The following FANCD2 variants were observed in gnomAD, a reference collection of about 807,000 sequenced individuals.
The protein encoded by FANCD2 is Fanconi anemia group D2 protein.
A neutral mutation model predicts 192.3 loss-of-function variants in FANCD2; 131 were observed. That is an observed-to-expected ratio of 0.68 (90% CI 0.59 to 0.79). The LOEUF (loss-of-function observed/expected upper bound fraction) is 0.79. Ranked by LOEUF, FANCD2 falls within the 30% of genes least tolerant of loss-of-function variation. The pLI is 0.00. For synonymous variants in FANCD2, 524 were observed against 612.5 expected (o/e 0.86, Z 2.13); for missense variants, 1,508 against 1,701.6 (o/e 0.89, Z 2.00).
At chr3:10,043,748 A>T in intron 13 of FANCD2, 81 bp from the exon 14 acceptor site, 2 of 1,290,740 alleles carry the variant, frequency 1.5e-6, no homozygotes, top group Non-Finnish European at 2.3e-6. Context: ...CTTAGATGAG[A>T]TAACAGGGCA....
intron 32 of FANCD2, among the ~76,000 whole-genome samples, chr3:10,085,394 CT>C (rs1242296810): frequency 9.8e-4 from 134 of 136,880 alleles, no homozygotes; most frequent in Admixed American, 1.4e-3. Flanking sequence ...TTTTTTCTTT[CT>C]TTTTTTTTTT....
chr3:10,042,532 T>C, intron 10 of FANCD2, 27 bp from the exon 11 acceptor site: 1 of 1,556,038 alleles, frequency 6.4e-7, no homozygotes, highest in Non-Finnish European at 8.9e-7. Context: ...TGAAAACCTA[T>C]TAAGTTTCTG....
intron 35 of FANCD2, 25 bp downstream of exon 35, chr3:10,088,567 G>C: frequency 6.8e-7 from 1 of 1,462,448 alleles, no homozygotes; most frequent in Non-Finnish European, 9.6e-7. Context: ...TTCTTCCAAT[G>C]AGCCAAATAG....
intron 28 of FANCD2, 105 bp from the exon 29 acceptor site, chr3:10,074,424 AT>A: frequency 1.9e-6 from 2 of 1,032,120 alleles, no homozygotes; most frequent in Non-Finnish European, 2.8e-6. Flanking sequence ...TGAAAATGTA[AT>A]TTTTTGCATT....
intron 18 of FANCD2, among the ~76,000 whole-genome samples, chr3:10,059,578 G>A (rs995597415): frequency 1.0e-3 from 153 of 152,164 alleles, no homozygotes; most frequent in Non-Finnish European, 2.9e-4. Context: ...CAAGACAGGC[G>A]GATCACGAGG....
chr3:10,070,316 G>A lies in FANCD2; in HGVS notation c.2495-2555G>A, dbSNP rs1271782181. Among the ~76,000 whole-genome samples, 73 of 148,314 alleles carry A rather than the reference G, an allele frequency of 4.9e-4. 1 individual carries two copies. The highest frequency in any genetic ancestry group is 1.4e-3 in the African/African-American group (57 of 39,948). On this transcript the variant is annotated intron_variant, in intron 26 of 43. Transcript: ENST00000675286. Reference sequence around the variant, plus strand: ...AGCGTCTCCGCCCGGCAGCCACCCCGTCCGGGAGGGAGGTGGGGGTCAGGC... The same window carrying A: ...AGCGTCTCCGCCCGGCAGCCACCCCATCCGGGAGGGAGGTGGGGGTCAGGC...
chr3:10,050,708 C>T (rs1372602528), intron 17 of FANCD2, among the ~76,000 whole-genome samples: 3 of 151,236 alleles, frequency 2.0e-5, no homozygotes, highest in African/African-American at 7.3e-5. Context: ...AGCAAATGTC[C>T]ATAGAAGGAA....
intron 43 of FANCD2, among the ~76,000 whole-genome samples, chr3:10,100,428 C>A (rs1345443346): frequency 6.6e-6 from 1 of 152,168 alleles, no homozygotes; most frequent in Admixed American, 6.5e-5. Context: ...GGCTAGCATG[C>A]AGTGGTGCAG....
chr3:10,034,830 A>T (rs2086691044), intron 5 of FANCD2, 32 bp downstream of exon 5: 3 of 1,495,886 alleles, frequency 2.0e-6, no homozygotes, highest in Middle Eastern at 1.8e-4. Flanking sequence ...TCTTGCTGAA[A>T]TTCAGTCTGT....
chr3:10,085,715 A>C (rs984990877), intron 32 of FANCD2, 97 bp from the exon 33 acceptor site: 2 of 843,194 alleles, frequency 2.4e-6, no homozygotes, highest in Admixed American at 3.4e-5. Context: ...CAAACCGTTA[A>C]ACTATTGATG....
intron 30 of FANCD2, among the ~76,000 whole-genome samples, chr3:10,080,573 C>A (rs1469542114): frequency 6.6e-6 from 1 of 152,142 alleles, no homozygotes; most frequent in Non-Finnish European, 1.5e-5. Flanking sequence ...GAGTTTGAGA[C>A]CAGCCTGGTT....
At chr3:10,041,240 CCTT>C (rs770811893) in intron 9 of FANCD2, 35 of 244,700 alleles carry the variant, frequency 1.4e-4, no homozygotes, top group Non-Finnish European at 2.5e-4. Flanking sequence ...CTATCACTGT[CCTT>C]CTCACTATGT....
Position 10,088,514 on chromosome 3 carries a change from T to G in FANCD2, c.3532T>G (p.Ser1178Ala). 6.2e-7 allele frequency: 1 copy of G among 1,610,040 alleles called. No individual in the cohort carries two copies. The highest frequency in any genetic ancestry group is 8.5e-7 in the Non-Finnish European group (1 of 1,176,246). The change falls in exon 35 of 44, where the codon TCT (serine) becomes GCT (alanine). Residue 1178 changes from serine to alanine, a missense_variant. Physicochemically the swap from Ser to Ala is moderately conservative, Grantham distance 99. Transcript: ENST00000675286. The part of the protein sequence containing the change: ...PSGDKEKSNI[S>A]NDQLHALLCI... Reference sequence around the variant, plus strand: ...TGGGGATAAAGAGAAGAGCAACATCTCTAATGACCAGCTCCATGCTCTGCT... The same window carrying G: ...TGGGGATAAAGAGAAGAGCAACATCGCTAATGACCAGCTCCATGCTCTGCT...
intron 2 of FANCD2, chr3:10,032,165 G>T: frequency 4.5e-6 from 1 of 222,560 alleles, no homozygotes; most frequent in Non-Finnish European, 9.4e-6. Flanking sequence ...ATTTTAATAA[G>T]CTTCCCAGGG....
intron 26 of FANCD2, 45 bp downstream of exon 26, chr3:10,067,362 G>T: frequency 8.6e-7 from 1 of 1,165,916 alleles, no homozygotes; most frequent in Non-Finnish European, 1.3e-6. Flanking sequence ...GGCCAGTAGT[G>T]AGGCAATAAA....
rs754425975 is a variant in FANCD2 at position 10,072,883 on chromosome 3, A to G, written c.2507A>G (p.Tyr836Cys). 1.2e-5 allele frequency: 19 copies of G among 1,596,694 alleles called. No homozygotes were observed. The Admixed American group carries it at 2.2e-4, about 18-fold the overall frequency. The change falls in exon 27 of 44, where the codon TAT becomes TGT. Residue 836 changes from tyrosine to cysteine, a missense_variant. By Grantham distance (194) the Tyr-to-Cys change is radical. This residue lies in a region of FANCD2 where 796 missense variants were observed against 879.4 expected (regional missense o/e 0.91). Transcript: ENST00000675286. ...CTGTTTGTTTCAGTCACCCCAGACT[A>G]TGTCCCTCCTCTTGGAAACTTTGAT... ...LEKYLAVTPD[Y>C]VPPLGNFDVE...
At chr3:10,056,890 T>G (rs917616597) in intron 18 of FANCD2, among the ~76,000 whole-genome samples, 1 of 152,218 alleles carries the variant, frequency 6.6e-6, no homozygotes, top group Admixed American at 6.5e-5. Flanking sequence ...GGTCTCACTC[T>G]GTCACACACA....
At chr3:10,029,024 C>T (rs997328477) in intron 2 of FANCD2, among the ~76,000 whole-genome samples, 2 of 152,076 alleles carry the variant, frequency 1.3e-5, no homozygotes, top group African/African-American at 2.4e-5. Context: ...ATAGTCTGTA[C>T]CCTTAAAAAA....
intron 14 of FANCD2, chr3:10,046,355 C>T (rs528477461): frequency 6.7e-6 from 4 of 595,620 alleles, no homozygotes; most frequent in African/African-American, 5.6e-5. Context: ...GCCTGGCCTG[C>T]TCTGTATTCT....
Sources: gnomAD v4.1 joint callset for allele counts (sites outside exome capture counted in the v4.1 genomes callset) on GRCh38, gnomAD v4.1.1 for gene constraint, gnomAD v4.1.1 regional missense constraint, MANE v1.5 for transcripts, NCBI Gene and HGNC (gene_info 2026-07-23, HGNC 2026-07-21) for gene names.